The following EDIL3 variants were observed in gnomAD, a reference collection of about 807,000 sequenced individuals.
EDIL3 encodes EGF like and discoidin domains 3.
EDIL3 carries 37 observed loss-of-function variants against 67.4 expected under a neutral mutation model. That is an observed-to-expected ratio of 0.55 (90% CI 0.42 to 0.72). The LOEUF (loss-of-function observed/expected upper bound fraction) is 0.72. Ranked by LOEUF, EDIL3 falls within the 30% of genes least tolerant of loss-of-function variation. EDIL3 has a pLI of 0.00. For missense variants in EDIL3, 527 were observed against 586.3 expected, an observed-to-expected ratio of 0.90 and a Z score of 1.04; for synonymous variants, 195 against 196.3, an observed-to-expected ratio of 0.99 and a Z score of 0.05.
intron 9 of EDIL3, among the ~76,000 whole-genome samples, chr5:83,979,201 T>C (rs967454024): frequency 2.6e-5 from 4 of 152,034 alleles, no homozygotes; most frequent in African/African-American, 9.7e-5. Flanking sequence ...GAAATACAAA[T>C]TACAACAGCA....
intron 5 of EDIL3, among the ~76,000 whole-genome samples, chr5:84,108,892 A>T (rs1747509112): frequency 6.6e-6 from 1 of 152,200 alleles, no homozygotes. Flanking sequence ...TGGCAGACTT[A>T]AAAATAACTC....
At chr5:83,965,354 T>C (rs531678393) in intron 9 of EDIL3, among the ~76,000 whole-genome samples, 1 of 152,248 alleles carries the variant, frequency 6.6e-6, no homozygotes, top group East Asian at 1.9e-4. Context: ...CTTTAAAATA[T>C]AGATTGCTTT....
At chr5:84,027,044 G>T (rs1745829079) in intron 9 of EDIL3, among the ~76,000 whole-genome samples, 1 of 152,152 alleles carries the variant, frequency 6.6e-6, no homozygotes. Context: ...ACAGTAAGTT[G>T]TGGTGGTGCC....
rs144252704 is a variant in EDIL3 at position 84,310,393 on chromosome 5, T to C, written c.68-56181A>G. Among the ~76,000 whole-genome samples, 505 of 152,346 alleles carry C rather than the reference T, an allele frequency of 3.3e-3. 2 individuals are homozygous for C. The Middle Eastern group carries it at 0.041, about 12-fold the overall frequency. On this transcript the variant is annotated intron_variant, in intron 1 of 10. Transcript: ENST00000296591. ...TAAGTTTCGAGCCCTGCTGTCATTA[T>C]GTTAAAACCATGTATTCTAAGAACA...
chr5:84,171,603 C>A (rs1354143552), intron 4 of EDIL3, among the ~76,000 whole-genome samples: 1 of 152,106 alleles, frequency 6.6e-6, no homozygotes, highest in East Asian at 1.9e-4. Flanking sequence ...TTTCCATTAT[C>A]GTAAACAAAG....
At chr5:84,312,006 G>T (rs1054177418) in intron 1 of EDIL3, among the ~76,000 whole-genome samples, 14 of 152,082 alleles carry the variant, frequency 9.2e-5, no homozygotes, top group Non-Finnish European at 2.1e-4. Flanking sequence ...TCCTTTCCCC[G>T]CCTTTCCCCA....
chr5:84,089,321 A>G (rs1747124777), intron 6 of EDIL3, among the ~76,000 whole-genome samples: 1 of 152,224 alleles, frequency 6.6e-6, no homozygotes, highest in South Asian at 2.1e-4. Flanking sequence ...TCTCCAAGTT[A>G]ATCAAAAAGC....
intron 4 of EDIL3, among the ~76,000 whole-genome samples, chr5:84,168,788 C>T (rs984935463): frequency 1.3e-5 from 2 of 152,192 alleles, no homozygotes; most frequent in Non-Finnish European, 2.9e-5. Flanking sequence ...ACGCTTACCC[C>T]CACCTGAACC....
intron 6 of EDIL3, among the ~76,000 whole-genome samples, chr5:84,095,587 A>T (rs368177053): frequency 2.0e-5 from 3 of 152,310 alleles, no homozygotes; most frequent in South Asian, 4.1e-4. Flanking sequence ...GAGAGAGATG[A>T]TTTAGGGTAT....
Position 83,943,428 on chromosome 5 carries a change from C to T in EDIL3, c.1434G>A (p.Glu478=), listed in dbSNP as rs1744259840. The change falls in exon 11 of 11, where the codon GAG becomes GAA. Residue 478 remains glutamate (E), a synonymous_variant. Coordinates refer to ENST00000296591, the MANE Select transcript of EDIL3 (RefSeq NM_005711.5). ...GAAATGTAGCCTCCCCTCATTCCTC[C>T]TCTGTGCAGCCCAGCAGCTCTGACC... is the stretch of plus-strand genomic sequence containing the variant. The part of the protein sequence containing the change: ...TLRSELLGCT[E]EE The T allele has an allele frequency of 6.2e-7, 1 of 1,612,568 alleles. No homozygotes were observed. Among genetic ancestry groups the T allele is most frequent in the Non-Finnish European group, 8.5e-7 (1 of 1,179,114 alleles).
rs148201117 is a variant in EDIL3, at chr5:84,064,812, T to C, written c.840A>G (p.Pro280=). 78 of 1,612,976 alleles carry C rather than the reference T, an allele frequency of 4.8e-5. No individual in the cohort carries two copies. Among genetic ancestry groups the C allele is most frequent in the Non-Finnish European group, 6.4e-5 (76 of 1,179,596 alleles). The change falls in exon 8 of 11, where the codon CCA becomes CCG. Residue 280 remains proline, a synonymous_variant. Transcript: ENST00000296591. ...VFRGNIDNNT[P]YANSFTPPIK... Reference sequence around the variant, plus strand: ...TGGGGGGTGTGAAAGAGTTAGCATATGGAGTGTTGTTATCAATGTTTCCAC... The same window carrying C: ...TGGGGGGTGTGAAAGAGTTAGCATACGGAGTGTTGTTATCAATGTTTCCAC...
At chr5:84,322,541 A>G (rs1056851968) in intron 1 of EDIL3, among the ~76,000 whole-genome samples, 1 of 152,104 alleles carries the variant, frequency 6.6e-6, no homozygotes, top group Non-Finnish European at 1.5e-5. Flanking sequence ...AATTTTTAAA[A>G]AATTTAAGAA....
At chr5:84,038,584 A>G (rs1746065698) in intron 9 of EDIL3, among the ~76,000 whole-genome samples, 1 of 152,224 alleles carries the variant, frequency 6.6e-6, no homozygotes, top group African/African-American at 2.4e-5. Flanking sequence ...CCCCCAAGGG[A>G]GTACCTTTCA....
At chr5:84,021,554 G>C (rs925121389) in intron 9 of EDIL3, among the ~76,000 whole-genome samples, 1 of 151,830 alleles carries the variant, frequency 6.6e-6, no homozygotes, top group Non-Finnish European at 1.5e-5. Context: ...TTCCACTGTA[G>C]TTTGAGAAGA....
intron 1 of EDIL3, among the ~76,000 whole-genome samples, chr5:84,378,278 A>G (rs567840752): frequency 2.6e-5 from 4 of 152,320 alleles, no homozygotes; most frequent in African/African-American, 9.6e-5. Context: ...GCACCCAAAA[A>G]ATGTTGAACA....
chr5:84,055,612 G>C (rs1257288771), intron 9 of EDIL3, among the ~76,000 whole-genome samples: 2 of 151,764 alleles, frequency 1.3e-5, no homozygotes, highest in Non-Finnish European at 2.9e-5. Context: ...AAATTTACAA[G>C]AAAAAAACAA....
At chr5:84,045,077 G>GGAGAATGA (rs770473564) in intron 9 of EDIL3, among the ~76,000 whole-genome samples, 1 of 152,112 alleles carries the variant, frequency 6.6e-6, no homozygotes, top group East Asian at 1.9e-4. Flanking sequence ...ATGGCCATGG[G>GGAGAATGA]GAGAATGAGA....
At chr5:84,197,917 G>A (rs981704566) in intron 3 of EDIL3, among the ~76,000 whole-genome samples, 1 of 151,926 alleles carries the variant, frequency 6.6e-6, no homozygotes, top group Non-Finnish European at 1.5e-5. Context: ...TAGAAGTGTA[G>A]GATTAGCTAC....
intron 10 of EDIL3, among the ~76,000 whole-genome samples, chr5:83,952,505 C>G (rs1459294416): frequency 2.0e-5 from 3 of 151,728 alleles, no homozygotes; most frequent in African/African-American, 7.3e-5. Flanking sequence ...ATTGGGAAAC[C>G]ATCTGCTTTT....
Sources: gnomAD v4.1 joint callset for allele counts (sites outside exome capture counted in the v4.1 genomes callset) on GRCh38, gnomAD v4.1.1 for gene constraint, MANE v1.5 for transcripts, NCBI Gene and HGNC (gene_info 2026-07-23, HGNC 2026-07-21) for gene names.